The following PPFIBP1 variants were observed in gnomAD, a reference collection of about 807,000 sequenced individuals.
The protein encoded by PPFIBP1 is liprin-beta-1.
A neutral mutation model predicts 137.8 loss-of-function variants in PPFIBP1; 112 were observed. The ratio of observed to expected loss-of-function variants is 0.81; its 90% CI spans 0.70 to 0.95. PPFIBP1 has a LOEUF of 0.95. PPFIBP1 is among the 40% of genes least tolerant of loss of function. PPFIBP1 has a pLI of 0.00. For synonymous variants in PPFIBP1, 378 were observed against 417.3 expected (o/e 0.91, Z 1.15); for missense variants, 1,083 against 1,196.6 (o/e 0.91, Z 1.40).
chr12:27,676,505 C>T lies in PPFIBP1; in HGVS notation c.1488C>T (p.Asp496=). The change falls in exon 18 of 30, where the codon GAC becomes GAT. Residue 496 remains aspartate, a synonymous_variant. Transcript: ENST00000228425. ...RPPGQDTSMD[D]NPFGTRKVRS... is the part of the protein sequence containing the mutation. ...CAGGGCAGGACACCTCCATGGATGA[C>T]AACCCCTTCGGCACTCGAAAAGTCA... 6.2e-7 allele frequency: 1 copy of T among 1,609,518 alleles called. No individual in the cohort carries two copies. Among genetic ancestry groups the T allele is most frequent in the Non-Finnish European group, 8.5e-7 (1 of 1,177,408 alleles).
chr12:27,612,926 ACATCATCATCATCATCATCATCATCAT>A (rs71039826), intron 2 of PPFIBP1, among the ~76,000 whole-genome samples: 8 of 148,902 alleles, frequency 5.4e-5, no homozygotes, highest in Non-Finnish European at 1.0e-4. Context: ...TAGATAATAC[ACATCATCATCATCATCATCATCATCAT>A]CATCATCATC....
At chr12:27,652,438 G>C (rs1268773294) in intron 7 of PPFIBP1, among the ~76,000 whole-genome samples, 1 of 152,164 alleles carries the variant, frequency 6.6e-6, no homozygotes, top group Admixed American at 6.5e-5. Flanking sequence ...AAGGGAACAG[G>C]AATTTTCTTT....
chr12:27,572,253 A>G (rs1286986349), intron 1 of PPFIBP1, among the ~76,000 whole-genome samples: 3 of 152,230 alleles, frequency 2.0e-5, no homozygotes, highest in African/African-American at 4.8e-5. Flanking sequence ...AAATTGGTAT[A>G]TAATTGGTAT....
At chr12:27,672,336 A>G in intron 14 of PPFIBP1, 91 bp from the exon 15 acceptor site, 1 of 980,506 alleles carries the variant, frequency 1.0e-6, no homozygotes, top group Non-Finnish European at 1.5e-6. Flanking sequence ...CCTTTGCATA[A>G]TTTTTTGTTT....
chr12:27,578,513 G>A (rs1349384890), intron 2 of PPFIBP1, among the ~76,000 whole-genome samples: 1 of 152,084 alleles, frequency 6.6e-6, no homozygotes, highest in Non-Finnish European at 1.5e-5. Flanking sequence ...CACAGACTTG[G>A]TAGAACATAA....
At chr12:27,688,911 A>G (rs2061352351) in intron 26 of PPFIBP1, 104 bp from the exon 27 acceptor site, 4 of 1,109,898 alleles carry the variant, frequency 3.6e-6, no homozygotes, top group Non-Finnish European at 3.8e-6. Context: ...TGAGAGGATC[A>G]TTGGAGATAA....
At chr12:27,586,568 A>G (rs1325195202) in intron 2 of PPFIBP1, among the ~76,000 whole-genome samples, 1 of 152,068 alleles carries the variant, frequency 6.6e-6, no homozygotes, top group Non-Finnish European at 1.5e-5. Context: ...GTGGTTGTGT[A>G]CGCCTATAGT....
At chr12:27,628,477 C>T (rs186546153) in intron 2 of PPFIBP1, among the ~76,000 whole-genome samples, 12 of 152,118 alleles carry the variant, frequency 7.9e-5, no homozygotes, top group Admixed American at 2.6e-4. Flanking sequence ...CTGTGCTTGG[C>T]CTTGGATGGT....
At chr12:27,556,159 C>G (rs979691517) in intron 1 of PPFIBP1, among the ~76,000 whole-genome samples, 3 of 152,250 alleles carry the variant, frequency 2.0e-5, no homozygotes, top group Non-Finnish European at 4.4e-5. Flanking sequence ...GAAATCAAAG[C>G]TCGGTGTGGT....
chr12:27,654,960 A>G (rs2059104873), intron 8 of PPFIBP1, 146 bp downstream of exon 8: 8 of 1,368,508 alleles, frequency 5.8e-6, no homozygotes, highest in Non-Finnish European at 7.8e-6. Context: ...CAAGCTGGAA[A>G]CCTTGAATTT....
At chr12:27,555,175 T>C (rs2048612508) in intron 1 of PPFIBP1, among the ~76,000 whole-genome samples, 1 of 152,186 alleles carries the variant, frequency 6.6e-6, no homozygotes, top group African/African-American at 2.4e-5. Context: ...AGATGTTGGC[T>C]CAGGTCCCCT....
At chr12:27,678,515 G>C (rs1276073546) in intron 19 of PPFIBP1, among the ~76,000 whole-genome samples, 1 of 152,186 alleles carries the variant, frequency 6.6e-6, no homozygotes, top group Non-Finnish European at 1.5e-5. Flanking sequence ...GTCTGAGCTA[G>C]AGTAACAGGG....
At chr12:27,659,051 G>A (rs2059385985) in intron 10 of PPFIBP1, among the ~76,000 whole-genome samples, 1 of 152,202 alleles carries the variant, frequency 6.6e-6, no homozygotes, top group African/African-American at 2.4e-5. Context: ...GATTTTGTCT[G>A]ATTCAACCTT....
At chr12:27,602,376 T>C (rs2137798273) in intron 2 of PPFIBP1, among the ~76,000 whole-genome samples, 1 of 152,358 alleles carries the variant, frequency 6.6e-6, no homozygotes, top group Non-Finnish European at 1.5e-5. Context: ...ATTACCACAA[T>C]CAAGTTTATT....
intron 4 of PPFIBP1, among the ~76,000 whole-genome samples, chr12:27,645,834 A>G (rs2058437739): frequency 6.6e-6 from 1 of 152,174 alleles, no homozygotes; most frequent in Non-Finnish European, 1.5e-5. Context: ...TTTCTGCTTG[A>G]TAAGAAATTG....
chr12:27,580,986 C>T (rs2051048073), intron 2 of PPFIBP1, among the ~76,000 whole-genome samples: 1 of 151,880 alleles, frequency 6.6e-6, no homozygotes, highest in Non-Finnish European at 1.5e-5. Context: ...TCCTTGCTCA[C>T]TGGGCTCAAG....
chr12:27,648,977 A>C (rs79151577), intron 6 of PPFIBP1, among the ~76,000 whole-genome samples: 66 of 152,322 alleles, frequency 4.3e-4, no homozygotes, highest in Middle Eastern at 3.4e-3. Flanking sequence ...TTAATTATAC[A>C]TTTGGAAATA....
chr12:27,618,072 C>T (rs1258412256), intron 2 of PPFIBP1, among the ~76,000 whole-genome samples: 4 of 152,182 alleles, frequency 2.6e-5, no homozygotes, highest in Non-Finnish European at 5.9e-5. Flanking sequence ...TAAGTTGATT[C>T]TCTAAGACAT....
chr12:27,665,627 A>G (rs2059811551), intron 12 of PPFIBP1, among the ~76,000 whole-genome samples: 1 of 152,234 alleles, frequency 6.6e-6, no homozygotes, highest in Non-Finnish European at 1.5e-5. Context: ...TGTGGAGGAA[A>G]TTTGAAAGTG....
Sources: gnomAD v4.1 joint callset for allele counts (sites outside exome capture counted in the v4.1 genomes callset) on GRCh38, gnomAD v4.1.1 for gene constraint, MANE v1.5 for transcripts, NCBI Gene and HGNC (gene_info 2026-07-23, HGNC 2026-07-21) for gene names.